Variants in C8B observed in about 807,000 individuals in gnomAD.
The protein encoded by C8B is complement component C8 beta chain.
C8B carries 67 observed loss-of-function variants against 64.6 expected under a neutral mutation model. That is an observed-to-expected ratio of 1.04 (90% CI 0.85 to 1.27). C8B has a LOEUF of 1.27. Ranked by LOEUF, C8B falls within the 50% of genes most tolerant of loss-of-function variation. The pLI, the probability that C8B is intolerant of heterozygous loss-of-function variation, is 0.00. For missense variants in C8B, 790 were observed against 725.2 expected, an observed-to-expected ratio of 1.09 and a Z score of -1.03; for synonymous variants, 284 against 257.7, an observed-to-expected ratio of 1.10 and a Z score of -0.98.
chr1:56,933,621 T>C, intron 9 of C8B, 133 bp from the exon 10 acceptor site: 8 of 750,904 alleles, frequency 1.1e-5, no homozygotes, highest in Non-Finnish European at 1.6e-5. Flanking sequence ...ACTAGATGGA[T>C]CTCCCATCTT....
intron 10 of C8B, among the ~76,000 whole-genome samples, chr1:56,933,047 G>C (rs1450096358): frequency 6.6e-6 from 1 of 152,012 alleles, no homozygotes; most frequent in Non-Finnish European, 1.5e-5. Context: ...ATGCACAAAG[G>C]GCTTCTCCTA....
intron 8 of C8B, among the ~76,000 whole-genome samples, chr1:56,942,302 T>C (rs905208621): frequency 1.8e-4 from 28 of 152,302 alleles, no homozygotes; most frequent in African/African-American, 6.7e-4. Flanking sequence ...CAGTGGCCAC[T>C]ATAAAGCAAT....
At chr1:56,960,211 C>T (rs772359485) in intron 1 of C8B, 35 bp from the exon 2 acceptor site, 15 of 1,600,462 alleles carry the variant, frequency 9.4e-6, no homozygotes, top group South Asian at 4.4e-5. Context: ...AGTCACGTAT[C>T]AGAAGGGAAT....
rs748144802 is a variant in C8B at position 56,943,662 on chromosome 1, A to G, written c.1234+34T>C. 10 of 1,613,186 alleles carry G rather than the reference A, an allele frequency of 6.2e-6. No homozygotes were observed. In the African/African-American group the frequency reaches 8.0e-5, roughly 13 times the overall value. On this transcript the variant is annotated intron_variant, in intron 8 of 11. Transcript: ENST00000371237. ...CAGAGGCACTAGGAGGATAAACATT[A>G]TAAGTGTGGAAGTCACAAGCCCCTG...
intron 10 of C8B, 64 bp from the exon 11 acceptor site, chr1:56,931,942 A>C: frequency 8.7e-7 from 1 of 1,153,866 alleles, no homozygotes. Context: ...CCTGGAGCTC[A>C]GCCCTCCAAT....
At chr1:56,941,509 CATAG>C (rs200918831) in intron 8 of C8B, among the ~76,000 whole-genome samples, 24,950 of 86,566 alleles carry the variant, frequency 0.29, 2,371 homozygotes, top group Non-Finnish European at 0.4. Context: ...TAGATAGATA[CATAG>C]ATAGATAGAT....
chr1:56,942,550 C>T lies in C8B; in HGVS notation c.1234+1146G>A, dbSNP rs1021382207. On this transcript the variant is annotated intron_variant, in intron 8 of 11. Coordinates refer to ENST00000371237, the MANE Select transcript of C8B (RefSeq NM_000066.4). ...CGAAACCCTGTCTCTACTAAAAATA[C>T]AAATATTAGCCAGGCGTGGTGGCAC... Among the ~76,000 whole-genome samples, 11 of 151,662 alleles carry T rather than the reference C, an allele frequency of 7.3e-5. 1 individual carries two copies. The highest frequency in any genetic ancestry group is 4.6e-4 in the Admixed American group (7 of 15,258).
chr1:56,956,840 A>C lies in C8B; in HGVS notation c.320T>G (p.Val107Gly), dbSNP rs1488973181. The C allele has an allele frequency of 3.7e-6, 6 of 1,613,958 alleles. No individual in the cohort carries two copies. In the African/African-American group the frequency reaches 8.0e-5, roughly 22 times the overall value. ...TGGTCTGTTGGTAACACAGTCTTCGACTTCCTTGTCAGAGAAGTTGCACGG... is the reference window on the plus strand; with the variant it reads ...TGGTCTGTTGGTAACACAGTCTTCGCCTTCCTTGTCAGAGAAGTTGCACGG... The part of the protein sequence containing the change: ...GEPCNFSDKE[V>G]EDCVTNRPCG... Residue 107 changes from valine to glycine, a missense_variant, in exon 3 of 12, where the codon GTC becomes GGC. Physicochemically the swap from Val to Gly is moderately radical, Grantham distance 109 (BLOSUM62 -3). Coordinates refer to ENST00000371237, the MANE Select transcript of C8B (RefSeq NM_000066.4).
At chr1:56,959,875 C>T in intron 2 of C8B, 145 bp downstream of exon 2, 2 of 930,122 alleles carry the variant, frequency 2.2e-6, no homozygotes, top group South Asian at 2.9e-5. Context: ...CTTGGAAGCA[C>T]AGAAGGAAAG....
At chr1:56,932,691 T>A (rs1452110632) in intron 10 of C8B, among the ~76,000 whole-genome samples, 1 of 152,176 alleles carries the variant, frequency 6.6e-6, no homozygotes, top group Non-Finnish European at 1.5e-5. Flanking sequence ...TCAATCCCAG[T>A]CTGGCAACTG....
At chr1:56,957,467 C>A (rs948737883) in intron 2 of C8B, among the ~76,000 whole-genome samples, 15 of 152,108 alleles carry the variant, frequency 9.9e-5, no homozygotes, top group Non-Finnish European at 1.8e-4. Context: ...TCTCAATTTA[C>A]CCATCTGTAA....
chr1:56,957,062 C>T (rs1057081665), intron 2 of C8B, 152 bp from the exon 3 acceptor site: 19 of 802,040 alleles, frequency 2.4e-5, no homozygotes, highest in Middle Eastern at 3.5e-4. Flanking sequence ...CTTGTGCTCC[C>T]CCCATTATAT....
chr1:56,937,500 TG>T (rs1050669442), intron 9 of C8B, among the ~76,000 whole-genome samples: 1 of 152,182 alleles, frequency 6.6e-6, no homozygotes, highest in African/African-American at 2.4e-5. Context: ...CCTTCTGCCC[TG>T]GGCAATGCCA....
chr1:56,931,981 G>A (rs930795642), intron 10 of C8B, 103 bp from the exon 11 acceptor site: 81 of 822,350 alleles, frequency 9.8e-5, no homozygotes, highest in Non-Finnish European at 1.5e-4. Flanking sequence ...TTAAAACAGA[G>A]CACATATTTA....
At chr1:56,955,466 G>C (rs1318472243) in intron 3 of C8B, among the ~76,000 whole-genome samples, 1 of 152,152 alleles carries the variant, frequency 6.6e-6, no homozygotes, top group Non-Finnish European at 1.5e-5. Flanking sequence ...TTTTCCTCCT[G>C]ATTGATTTCC....
intron 1 of C8B, among the ~76,000 whole-genome samples, chr1:56,965,396 A>AGTGTGTGTGT (rs762224735): frequency 2.4e-4 from 20 of 84,302 alleles, no homozygotes; most frequent in South Asian, 9.7e-4. Flanking sequence ...AGAGAGAGAG[A>AGTGTGTGTGT]GAGTGTGTGT....
At chr1:56,959,148 C>T (rs1645141897) in intron 2 of C8B, among the ~76,000 whole-genome samples, 1 of 152,210 alleles carries the variant, frequency 6.6e-6, no homozygotes, top group Admixed American at 6.5e-5. Context: ...TCCTGTTTAT[C>T]TGTCTGTTTA....
In C8B at chr1:56,949,575, T is replaced by C. The variant is rs1644989876; in HGVS notation, c.844A>G (p.Thr282Ala). Reference protein sequence around the residue: ...SDRGKHYIRRTKRFSHTKSVF... With the variant: ...SDRGKHYIRRAKRFSHTKSVF... ...CTTACAGTATGAGAGAATCGTTTGG[T>C]TCTCCTAATATAGTGTTTGCCTCGA... Residue 282 changes from threonine to alanine, a missense_variant, in exon 6 of 12, where the codon ACC (threonine) becomes GCC (alanine). By Grantham distance (58) the Thr-to-Ala change is moderately conservative (BLOSUM62 0). Transcript: ENST00000371237. 13 of 1,613,810 alleles carry C rather than the reference T, an allele frequency of 8.1e-6. No individual in the cohort carries two copies. In the East Asian group the frequency reaches 2.9e-4, roughly 36 times the overall value.
chr1:56,949,569 G>T lies in C8B; in HGVS notation c.850C>A (p.Arg284=). ...RGKHYIRRTK[R]FSHTKSVFLH... is the part of the protein sequence containing the mutation. ...GACATACTTACAGTATGAGAGAATCGTTTGGTTCTCCTAATATAGTGTTTG... is the reference window on the plus strand; with the variant it reads ...GACATACTTACAGTATGAGAGAATCTTTTGGTTCTCCTAATATAGTGTTTG... The change falls in exon 6 of 12, where the codon CGA becomes AGA. Residue 284 remains arginine (R), a synonymous_variant. Coordinates refer to ENST00000371237, the MANE Select transcript of C8B (RefSeq NM_000066.4). 6.2e-7 allele frequency: 1 copy of T among 1,613,128 alleles called. No individual in the cohort carries two copies. Among genetic ancestry groups the T allele is most frequent in the Non-Finnish European group, 8.5e-7 (1 of 1,179,164 alleles).
Sources: allele counts gnomAD v4.1 joint callset (sites outside exome capture counted in the v4.1 genomes callset), GRCh38; gene constraint gnomAD v4.1.1; transcripts MANE v1.5; gene names NCBI Gene and HGNC (gene_info 2026-07-23, HGNC 2026-07-21).